EBF3: variants seen among roughly 807,000 people sequenced by gnomAD.
EBF3 encodes transcription factor COE3.
EBF3 carries 18 observed loss-of-function variants against 77.1 expected under a neutral mutation model. The observed-to-expected ratio is 0.23, with a 90% CI of 0.16 to 0.35. The LOEUF (loss-of-function observed/expected upper bound fraction) is 0.35, where lower values mean the gene tolerates loss of function less well. Ranked by LOEUF, EBF3 falls within the 10% of genes least tolerant of loss-of-function variation. EBF3 has a pLI of 1.00. For synonymous variants in EBF3, 350 were observed against 343.5 expected, an observed-to-expected ratio of 1.02 and a Z score of -0.21; for missense variants, 558 against 860.0, an observed-to-expected ratio of 0.65 and a Z score of 4.39.
chr10:129,907,294 C>T (rs1163526884), intron 6 of EBF3, among the ~76,000 whole-genome samples: 1 of 152,224 alleles, frequency 6.6e-6, no homozygotes, highest in Non-Finnish European at 1.5e-5. Flanking sequence ...GGCCCCTTGG[C>T]CTCATTAATC....
intron 6 of EBF3, among the ~76,000 whole-genome samples, chr10:129,882,872 G>A (rs891429577): frequency 2.6e-5 from 4 of 152,176 alleles, no homozygotes; most frequent in African/African-American, 9.6e-5. Context: ...CATCCTCACC[G>A]CCTTCCCTGC....
At chr10:129,880,396 TACACATGCATACACAAATGCATGC>T (rs1272031813) in intron 6 of EBF3, among the ~76,000 whole-genome samples, 66 of 151,638 alleles carry the variant, frequency 4.4e-4, no homozygotes, top group Admixed American at 4.1e-3. Context: ...CACACATGCC[TACACATGCATACACAAATGCATGC>T]ACACATGCAG....
chr10:129,949,464 C>T (rs1324681224), intron 6 of EBF3, among the ~76,000 whole-genome samples: 1 of 152,236 alleles, frequency 6.6e-6, no homozygotes. Flanking sequence ...GACACTCCCC[C>T]ATGGGGCCTA....
At position 129,897,318 on chromosome 10, in the gene EBF3, G is replaced by A. The variant is rs1854465070; in HGVS notation, c.555-19469C>T. On this transcript the variant is annotated intron_variant, in intron 6 of 16. Transcript: ENST00000440978. This position sits in a 1 kb window ranked among gnomAD's most constrained non-coding sequence, Gnocchi z 4.6. ...GGGTTGAAAGGAGATGAGGCCCATG[G>A]CTGTGTGGGTGAGTTCTTGGGGGTA... Among the ~76,000 whole-genome samples, 1 of 152,188 alleles carries A rather than the reference G, an allele frequency of 6.6e-6. No homozygotes were observed. The highest frequency in any genetic ancestry group is 6.5e-5 in the Admixed American group (1 of 15,290).
At chr10:129,962,254 T>C in intron 3 of EBF3, 28 bp from the exon 4 acceptor site, 1 of 1,613,546 alleles carries the variant, frequency 6.2e-7, no homozygotes, top group South Asian at 1.1e-5. Flanking sequence ...CAAATTCTCA[T>C]CAGGATTTGA....
chr10:129,855,678 CAA>C (rs1851203002), intron 10 of EBF3, among the ~76,000 whole-genome samples: 1 of 152,132 alleles, frequency 6.6e-6, no homozygotes, highest in South Asian at 2.1e-4. Context: ...TGCCTGGAAA[CAA>C]AAGGAAGAGA....
chr10:129,848,432 A>G lies in EBF3; in HGVS notation c.1088T>C (p.Val363Ala). The G allele has an allele frequency of 6.2e-7, 1 of 1,614,218 alleles. No homozygotes were observed. Among genetic ancestry groups the G allele is most frequent in the South Asian group, 1.1e-5 (1 of 91,086 alleles). ...IDYGFQRLQK[V>A]IPRHPGDPER... The stretch of plus-strand genomic sequence containing the variant: ...GGGATCACCCGGATGTCTTGGGATC[A>G]CTTTCTGCAACCTCTGAAAGCCGTA... The change falls in exon 11 of 17, where the codon GTG (valine) becomes GCG (alanine). Residue 363 changes from valine (V) to alanine (A), a missense_variant. Val to Ala is a moderately conservative substitution (Grantham distance 64). Coordinates refer to ENST00000440978, the MANE Select transcript of EBF3 (RefSeq NM_001375380.1). The surrounding 1 kb of genome is among the most constrained non-coding windows in gnomAD (Gnocchi z 4.4).
At chr10:129,962,281 A>T (rs1859584921) in intron 3 of EBF3, 55 bp from the exon 4 acceptor site, 3 of 1,568,740 alleles carry the variant, frequency 1.9e-6, no homozygotes, top group Non-Finnish European at 2.6e-6. Flanking sequence ...CACCTCGGGG[A>T]GGGCACACGG....
rs1851857920 is a variant in EBF3, at chr10:129,864,490, A to G, written c.1039+2651T>C. On this transcript the variant is annotated intron_variant, in intron 10 of 16. Coordinates refer to ENST00000440978, the MANE Select transcript of EBF3 (RefSeq NM_001375380.1). The surrounding 1 kb of genome is among the most constrained non-coding windows in gnomAD (Gnocchi z 4.4). ...ACCTTTCAGCAATCTTCTTTCTTAA[A>G]AAAGTCTCATTTCTAACAATAGCTG... is the stretch of plus-strand genomic sequence containing the variant. Among the ~76,000 whole-genome samples the G allele has an allele frequency of 6.6e-6, 1 of 152,152 alleles. No homozygotes were observed. The highest frequency in any genetic ancestry group is 2.1e-4 in the South Asian group (1 of 4,828).
At chr10:129,838,141 GCACACGTGGGGA>G (rs1849737748) in intron 16 of EBF3, among the ~76,000 whole-genome samples, 181 bp from the exon 17 acceptor site, 1 of 152,232 alleles carries the variant, frequency 6.6e-6, no homozygotes, top group South Asian at 2.1e-4. Flanking sequence ...TGAGGTGGGG[GCACACGTGGGGA>G]CAACAACCCC....
At chr10:129,895,790 C>T (rs1453183461) in intron 6 of EBF3, among the ~76,000 whole-genome samples, 3 of 150,954 alleles carry the variant, frequency 2.0e-5, no homozygotes, top group Non-Finnish European at 2.9e-5. Context: ...GGACATGACA[C>T]AGATTATTTC....
chr10:129,885,937 A>G lies in EBF3; in HGVS notation c.555-8088T>C, dbSNP rs1395892045. On this transcript the variant is annotated intron_variant, in intron 6 of 16. Coordinates refer to ENST00000440978, the MANE Select transcript of EBF3 (RefSeq NM_001375380.1). This position sits in a 1 kb window ranked among gnomAD's most constrained non-coding sequence, Gnocchi z 4.0. ...CGTGTGTGTTTTTAGGGATCTGAAG[A>G]TCACGGGAATGCTTCTTTCGCCATC... 2.0e-5 allele frequency among the ~76,000 whole-genome samples: 3 copies of G among 152,024 alleles called. No individual in the cohort carries two copies. Among genetic ancestry groups the G allele is most frequent in the African/African-American group, 7.2e-5 (3 of 41,408 alleles).
At chr10:129,859,346 C>A (rs566568715) in intron 10 of EBF3, among the ~76,000 whole-genome samples, 11 of 152,144 alleles carry the variant, frequency 7.2e-5, no homozygotes, top group Non-Finnish European at 1.5e-4. Context: ...CTCAGCCTCC[C>A]ATGTAGTTGG....
At chr10:129,874,794 G>A (rs902311050) in intron 7 of EBF3, among the ~76,000 whole-genome samples, 1 of 152,152 alleles carries the variant, frequency 6.6e-6, no homozygotes, top group African/African-American at 2.4e-5. Flanking sequence ...GCAAGGCCCA[G>A]ACAAAGCACG....
At chr10:129,880,739 C>T (rs1853146864) in intron 6 of EBF3, among the ~76,000 whole-genome samples, 1 of 152,222 alleles carries the variant, frequency 6.6e-6, no homozygotes, top group African/African-American at 2.4e-5. Context: ...GGGGCATCTA[C>T]AGGGACGGAC....
At position 129,943,523 on chromosome 10, in the gene EBF3, G is replaced by A. The variant is rs1857942829; in HGVS notation, c.554+13735C>T. Among the ~76,000 whole-genome samples the A allele has an allele frequency of 6.6e-6, 1 of 152,134 alleles. No homozygotes were observed. On this transcript the variant is annotated intron_variant, in intron 6 of 16. Transcript: ENST00000440978. The surrounding 1 kb of genome is among the most constrained non-coding windows in gnomAD (Gnocchi z 8.8). Reference sequence around the variant, plus strand: ...GTTAGAGATTGGATAATTTCTTTCAGCTGGACCTGGCCTCCAGCGCACTTG... The same window carrying A: ...GTTAGAGATTGGATAATTTCTTTCAACTGGACCTGGCCTCCAGCGCACTTG...
chr10:129,940,884 T>C (rs961345185), intron 6 of EBF3, among the ~76,000 whole-genome samples: 2 of 152,158 alleles, frequency 1.3e-5, no homozygotes, highest in African/African-American at 2.4e-5. Flanking sequence ...GATCCTCCCA[T>C]GTTGGGCCAC....
At chr10:129,957,998 T>C (rs971293644) in intron 5 of EBF3, among the ~76,000 whole-genome samples, 1 of 152,250 alleles carries the variant, frequency 6.6e-6, no homozygotes, top group Non-Finnish European at 1.5e-5. Context: ...ACAGCTAAAG[T>C]GATTAAAGAA....
chr10:129,956,797 T>A (rs1484672385), intron 6 of EBF3, among the ~76,000 whole-genome samples: 1 of 152,230 alleles, frequency 6.6e-6, no homozygotes, highest in African/African-American at 2.4e-5. Context: ...TTAGGACACA[T>A]TTTGCAACTA....
Sources: gnomAD v4.1 joint callset for allele counts (sites outside exome capture counted in the v4.1 genomes callset) on GRCh38, gnomAD v4.1.1 for gene constraint, Gnocchi (gnomAD v3.1) non-coding constraint, MANE v1.5 for transcripts, NCBI Gene and HGNC (gene_info 2026-07-23, HGNC 2026-07-21) for gene names.